ERAP2: variants seen among roughly 807,000 people sequenced by gnomAD.
ERAP2 encodes the protein endoplasmic reticulum aminopeptidase 2.
Under a neutral mutation model 111.1 loss-of-function variants are expected in ERAP2, and 118 were observed. The observed-to-expected ratio is 1.06, with a 90% CI of 0.92 to 1.24. The LOEUF is 1.24. ERAP2 is among the 50% of genes most tolerant of loss of function. ERAP2 has a pLI of 0.00. For synonymous variants in ERAP2, 410 were observed against 401.2 expected (o/e 1.02, Z -0.26); for missense variants, 1,131 against 1,125.8 (o/e 1.00, Z -0.07).
Position 96,902,052 on chromosome 5 carries a change from C to T in ERAP2, c.1749-222C>T, listed in dbSNP as rs535503244. 6.6e-5 allele frequency among the ~76,000 whole-genome samples: 10 copies of T among 152,282 alleles called. No homozygotes were observed. The East Asian group carries it at 1.9e-3, about 29-fold the overall frequency. Reference sequence around the variant, plus strand: ...TGACACAAGTATTTGTGGCAGAGTTCAACTAGGTAGATATGGCTGCTCCTT... The same window carrying T: ...TGACACAAGTATTTGTGGCAGAGTTTAACTAGGTAGATATGGCTGCTCCTT... On this transcript the variant is annotated intron_variant, in intron 11 of 18. Transcript: ENST00000437043.
At chr5:96,910,639 A>G (rs1255852715) in intron 15 of ERAP2, among the ~76,000 whole-genome samples, 1 of 152,208 alleles carries the variant, frequency 6.6e-6, no homozygotes, top group Admixed American at 6.5e-5. Flanking sequence ...TAACCTACCT[A>G]CAGTAGATAT....
At chr5:96,877,719 A>G (rs1782699122) in intron 1 of ERAP2, among the ~76,000 whole-genome samples, 1 of 138,714 alleles carries the variant, frequency 7.2e-6, no homozygotes. Context: ...GACCCACATA[A>G]TAAGCCACTC....
intron 15 of ERAP2, 185 bp downstream of exon 15, chr5:96,909,949 C>T (rs1786533664): frequency 1.8e-6 from 1 of 561,382 alleles, no homozygotes; most frequent in Non-Finnish European, 3.1e-6. Flanking sequence ...ACAATCTCTA[C>T]CATGAAATGT....
chr5:96,898,929 C>T (rs1785152839), intron 9 of ERAP2, among the ~76,000 whole-genome samples: 1 of 152,226 alleles, frequency 6.6e-6, no homozygotes, highest in South Asian at 2.1e-4. Flanking sequence ...TGTGTGTGTG[C>T]ATGTATGTAT....
chr5:96,891,075 C>G lies in ERAP2; in HGVS notation c.971-1224C>G, dbSNP rs865974378. On this transcript the variant is annotated intron_variant, in intron 5 of 18. Coordinates refer to ENST00000437043, the MANE Select transcript of ERAP2 (RefSeq NM_022350.5). ...ATTTGAAGTGCTAACGAATACTAAT[C>G]TTTATTAGCGCTAATTTAGTTTTTG... 3.7e-4 allele frequency among the ~76,000 whole-genome samples: 57 copies of G among 152,228 alleles called. No individual in the cohort carries two copies. The Middle Eastern group carries it at 0.017, about 45-fold the overall frequency.
At chr5:96,882,459 A>G (rs1783241751) in intron 2 of ERAP2, among the ~76,000 whole-genome samples, 1 of 152,194 alleles carries the variant, frequency 6.6e-6, no homozygotes, top group Admixed American at 6.5e-5. Context: ...ATGTATGATA[A>G]TGTACTGCAC....
At chr5:96,891,128 G>A (rs997813406) in intron 5 of ERAP2, among the ~76,000 whole-genome samples, 1 of 152,050 alleles carries the variant, frequency 6.6e-6, no homozygotes, top group East Asian at 1.9e-4. Context: ...TGTTTTTAAT[G>A]TACTAGAATT....
intron 12 of ERAP2, among the ~76,000 whole-genome samples, chr5:96,903,140 T>G (rs1366486935): frequency 6.6e-6 from 1 of 152,156 alleles, no homozygotes; most frequent in Non-Finnish European, 1.5e-5. Context: ...CATAGACAAT[T>G]TTTTAGAACA....
chr5:96,913,349 T>A lies in ERAP2; in HGVS notation c.2549T>A (p.Ile850Asn). ...LIELGMEGKV[I>N]KTQNLAALLH... is the part of the protein sequence containing the mutation. Reference sequence around the variant, plus strand: ...GAACTAGGAATGGAAGGAAAGGTTATCAAGACACAGAACTTGGCAGCTCTC... The same window carrying A: ...GAACTAGGAATGGAAGGAAAGGTTAACAAGACACAGAACTTGGCAGCTCTC... The change falls in exon 17 of 19, where the codon ATC becomes AAC. Residue 850 changes from isoleucine (I) to asparagine (N), a missense_variant. Physicochemically the swap from Ile to Asn is moderately radical, Grantham distance 149 (BLOSUM62 -3). Around this residue, in one of 3 missense-constraint regions of ERAP2, gnomAD observed 279 missense variants for 250.9 expected, o/e 1.11. Coordinates refer to ENST00000437043, the MANE Select transcript of ERAP2 (RefSeq NM_022350.5). 1 of 1,614,102 alleles carries A rather than the reference T, an allele frequency of 6.2e-7. No individual in the cohort carries two copies.
At chr5:96,898,737 T>TAAAAC (rs1026526491) in intron 9 of ERAP2, among the ~76,000 whole-genome samples, 54 of 152,056 alleles carry the variant, frequency 3.6e-4, no homozygotes, top group African/African-American at 1.1e-3. Flanking sequence ...GACTCTGTCT[T>TAAAAC]AAAACAAAAC....
At chr5:96,901,269 C>T (rs1785431131) in intron 10 of ERAP2, among the ~76,000 whole-genome samples, 2 of 152,074 alleles carry the variant, frequency 1.3e-5, no homozygotes. Flanking sequence ...CTTTTCCTGC[C>T]ATGTATTCAC....
chr5:96,886,094 G>A (rs922054980), intron 3 of ERAP2, among the ~76,000 whole-genome samples: 3 of 152,208 alleles, frequency 2.0e-5, no homozygotes, highest in Admixed American at 6.5e-5. Flanking sequence ...TGGTCCTACC[G>A]TGGAACTAGC....
At chr5:96,882,534 A>G (rs1464786908) in intron 2 of ERAP2, among the ~76,000 whole-genome samples, 2 of 152,182 alleles carry the variant, frequency 1.3e-5, no homozygotes, top group African/African-American at 4.8e-5. Flanking sequence ...AAACTACACA[A>G]ATAATTCAGT....
intron 1 of ERAP2, among the ~76,000 whole-genome samples, chr5:96,877,219 C>T (rs1455990262): frequency 6.6e-6 from 1 of 152,172 alleles, no homozygotes; most frequent in Non-Finnish European, 1.5e-5. Context: ...AGGTGATCTG[C>T]CCACCTTGGC....
chr5:96,898,719 CAG>C (rs1253535742), intron 9 of ERAP2, among the ~76,000 whole-genome samples: 1 of 152,064 alleles, frequency 6.6e-6, no homozygotes, highest in Non-Finnish European at 1.5e-5. Flanking sequence ...AGCCTGGTGA[CAG>C]AGTGAGACTC....
Position 96,918,002 on chromosome 5 carries a change from C to T in ERAP2, c.*397C>T, listed in dbSNP as rs1419259681. On this transcript the variant is annotated 3_prime_UTR_variant, in exon 19 of 19. Coordinates refer to ENST00000437043, the MANE Select transcript of ERAP2 (RefSeq NM_022350.5). Reference sequence around the variant, plus strand: ...TGCATGAAGTCAAACAGGGTAACACCAGTGAAGCTCAAGTCAAGAGCTGTG... The same window carrying T: ...TGCATGAAGTCAAACAGGGTAACACTAGTGAAGCTCAAGTCAAGAGCTGTG... 1 of 152,822 alleles carries T rather than the reference C, an allele frequency of 6.5e-6. No individual in the cohort carries two copies. Among genetic ancestry groups the T allele is most frequent in the Non-Finnish European group, 1.5e-5 (1 of 68,782 alleles). 9.5% of individuals were successfully genotyped at this position (152,822 alleles called of 1,614,324 possible). A position where few individuals can be genotyped will look rare whatever the true frequency, so the allele number is the denominator to read the frequency against.
At chr5:96,879,272 A>T (rs1167349998) in intron 1 of ERAP2, among the ~76,000 whole-genome samples, 1 of 152,234 alleles carries the variant, frequency 6.6e-6, no homozygotes, top group African/African-American at 2.4e-5. Context: ...AATGTTAAAA[A>T]CATTCAACAT....
In ERAP2 at chr5:96,895,488, T is replaced by C; in HGVS notation, c.1239+129T>C. ...GGTTTTTGAACATATGGCATTTTGT[T>C]TGATACACGAAACAGATCACAGAAC... On this transcript the variant is annotated intron_variant, in intron 7 of 18. Coordinates refer to ENST00000437043, the MANE Select transcript of ERAP2 (RefSeq NM_022350.5). 4.4e-6 allele frequency: 3 copies of C among 687,714 alleles called. No individual in the cohort carries two copies. In the Middle Eastern group the frequency reaches 8.2e-4, roughly 187 times the overall value. The allele number at this position is 687,714 out of a possible 1,614,324, so 42.6% of individuals were successfully genotyped here.
At position 96,891,646 on chromosome 5, in the gene ERAP2, CT is replaced by C. The variant is rs1035461654; in HGVS notation, c.971-648del. ...GAGTTGTTTAAATCATTAGATTGCA[CT>C]TTTTCCCCCCACAACACTTTCTTAA... On this transcript the variant is annotated intron_variant, in intron 5 of 18. Transcript: ENST00000437043. Among the ~76,000 whole-genome samples the C allele has an allele frequency of 4.0e-5, 6 of 151,798 alleles. No homozygotes were observed. In the South Asian group the frequency reaches 1.0e-3, roughly 26 times the overall value.
Sources: allele counts gnomAD v4.1 joint callset (sites outside exome capture counted in the v4.1 genomes callset), GRCh38; gene constraint gnomAD v4.1.1; regional missense constraint gnomAD v4.1.1; transcripts MANE v1.5; gene names NCBI Gene and HGNC (gene_info 2026-07-23, HGNC 2026-07-21).